Variants in WWP2 observed in about 807,000 individuals in gnomAD.
WWP2 encodes the protein NEDD4-like E3 ubiquitin-protein ligase WWP2.
WWP2 carries 57 observed loss-of-function variants against 121.0 expected under a neutral mutation model. That is an observed-to-expected ratio of 0.47 (90% CI 0.38 to 0.59). The LOEUF (loss-of-function observed/expected upper bound fraction) is 0.59. WWP2 is among the 20% of genes least tolerant of loss of function. The pLI is 0.00. For synonymous variants in WWP2, 449 were observed against 441.3 expected (o/e 1.02, Z -0.22); for missense variants, 962 against 1,158.9 (o/e 0.83, Z 2.47).
chr16:69,877,135 C>G (rs1249720857), intron 7 of WWP2, among the ~76,000 whole-genome samples: 1 of 152,204 alleles, frequency 6.6e-6, no homozygotes, highest in Non-Finnish European at 1.5e-5. Context: ...CATCTTCTTG[C>G]AATAGAAGGC....
intron 8 of WWP2, among the ~76,000 whole-genome samples, chr16:69,898,230 G>A (rs1435743219): frequency 6.6e-6 from 1 of 151,996 alleles, no homozygotes; most frequent in Non-Finnish European, 1.5e-5. Context: ...GTTTCGCCAT[G>A]TTAGCCAGGG....
At chr16:69,823,131 A>C (rs555643826) in intron 4 of WWP2, among the ~76,000 whole-genome samples, 2 of 152,362 alleles carry the variant, frequency 1.3e-5, no homozygotes, top group Non-Finnish European at 2.9e-5. Context: ...ACTGTGTCTC[A>C]AAAAAGAAAA....
intron 10 of WWP2, among the ~76,000 whole-genome samples, chr16:69,924,368 C>A (rs1313691038): frequency 6.6e-6 from 1 of 152,062 alleles, no homozygotes; most frequent in Non-Finnish European, 1.5e-5. Flanking sequence ...CTGAAGTCCG[C>A]ATTTAGAACT....
chr16:69,888,285 C>T (rs1369152055), intron 8 of WWP2, 36 bp downstream of exon 8: 3 of 1,593,162 alleles, frequency 1.9e-6, no homozygotes, highest in Admixed American at 3.5e-5. Context: ...GATCTCTCCT[C>T]CTCAAAGACT....
At chr16:69,818,048 T>C (rs1008446806) in intron 4 of WWP2, among the ~76,000 whole-genome samples, 1 of 152,126 alleles carries the variant, frequency 6.6e-6, no homozygotes, top group Non-Finnish European at 1.5e-5. Flanking sequence ...ATTTACACAC[T>C]GTAAGGGTGC....
intron 7 of WWP2, among the ~76,000 whole-genome samples, chr16:69,878,642 G>T (rs1187982121): frequency 2.6e-5 from 4 of 152,090 alleles, no homozygotes; most frequent in Non-Finnish European, 4.4e-5. Flanking sequence ...GATTGCAGAC[G>T]TGAGCCACTG....
chr16:69,933,924 A>G (rs1377138772), intron 16 of WWP2, 46 bp from the exon 17 acceptor site: 7 of 1,596,262 alleles, frequency 4.4e-6, no homozygotes, highest in East Asian at 2.2e-5. Flanking sequence ...GCAGATGTGC[A>G]CGAAGGGACC....
At chr16:69,852,113 C>A (rs1354051756) in intron 6 of WWP2, among the ~76,000 whole-genome samples, 7 of 152,182 alleles carry the variant, frequency 4.6e-5, no homozygotes, top group African/African-American at 1.7e-4. Flanking sequence ...TTTTCCAAAA[C>A]GGCTGCACCA....
At chr16:69,888,373 C>A in intron 8 of WWP2, 124 bp downstream of exon 8, 1 of 1,014,206 alleles carries the variant, frequency 9.9e-7, no homozygotes, top group Non-Finnish European at 1.4e-6. Flanking sequence ...GGCTGCTGTG[C>A]ATTGAAGCAA....
At chr16:69,787,204 C>T in intron 2 of WWP2, 124 bp downstream of exon 2, 1 of 601,754 alleles carries the variant, frequency 1.7e-6, no homozygotes, top group Non-Finnish European at 2.7e-6. Context: ...TATTTATTCT[C>T]ATGGGATTGT....
intron 1 of WWP2, among the ~76,000 whole-genome samples, chr16:69,771,888 T>G (rs1343647254): frequency 6.6e-6 from 1 of 151,942 alleles, no homozygotes; most frequent in African/African-American, 2.4e-5. Flanking sequence ...TTATCCCTAT[T>G]GTCAACTATG....
intron 10 of WWP2, among the ~76,000 whole-genome samples, chr16:69,923,608 C>G (rs528851463): frequency 1.3e-5 from 2 of 152,270 alleles, no homozygotes; most frequent in East Asian, 1.9e-4. Flanking sequence ...CCAGGAGAAC[C>G]CTGAACGCTT....
chr16:69,895,884 G>C (rs142474500), intron 8 of WWP2, among the ~76,000 whole-genome samples: 1 of 152,188 alleles, frequency 6.6e-6, no homozygotes, highest in Admixed American at 6.5e-5. Flanking sequence ...TACACTGAGC[G>C]TCTGTGTCTT....
rs2057783197 is a variant in WWP2 at position 69,879,166 on chromosome 16, A to G, written c.703+7235A>G. Among the ~76,000 whole-genome samples the G allele has an allele frequency of 2.6e-5, 4 of 152,218 alleles. No individual in the cohort carries two copies. The South Asian group carries it at 6.2e-4, about 24-fold the overall frequency. ...TTAGAAGTTTATTTTAGAGGTTTATATAAGTTCTTAGTATATTCTAGGTAC... is the reference window on the plus strand; with the variant it reads ...TTAGAAGTTTATTTTAGAGGTTTATGTAAGTTCTTAGTATATTCTAGGTAC... On this transcript the variant is annotated intron_variant, in intron 7 of 23. Transcript: ENST00000359154.
chr16:69,830,960 G>A (rs146519420), intron 4 of WWP2, among the ~76,000 whole-genome samples: 1 of 152,180 alleles, frequency 6.6e-6, no homozygotes, highest in African/African-American at 2.4e-5. Context: ...CTGTGTACCA[G>A]TGTTTGCAGT....
chr16:69,872,982 T>C (rs1567397558), intron 7 of WWP2, among the ~76,000 whole-genome samples: 1 of 152,252 alleles, frequency 6.6e-6, no homozygotes, highest in Non-Finnish European at 1.5e-5. Flanking sequence ...GCTGGTCGTT[T>C]GGTAGTTTGT....
intron 9 of WWP2, among the ~76,000 whole-genome samples, chr16:69,911,551 G>T (rs2058379382): frequency 2.6e-5 from 4 of 152,164 alleles, no homozygotes; most frequent in Admixed American, 2.6e-4. Context: ...GCCCGGTGGG[G>T]CTCTCAGGTT....
chr16:69,866,606 C>T (rs759966566), intron 6 of WWP2, among the ~76,000 whole-genome samples: 1 of 152,058 alleles, frequency 6.6e-6, no homozygotes, highest in Non-Finnish European at 1.5e-5. Flanking sequence ...AGAATGTCCT[C>T]GAGGTTCATC....
chr16:69,861,834 G>A (rs1258154196), intron 6 of WWP2, among the ~76,000 whole-genome samples: 1 of 151,898 alleles, frequency 6.6e-6, no homozygotes, highest in African/African-American at 2.4e-5. Flanking sequence ...CTGTCTTGCT[G>A]GAAACTGGCC....
Sources: allele counts gnomAD v4.1 joint callset (sites outside exome capture counted in the v4.1 genomes callset), GRCh38; gene constraint gnomAD v4.1.1; transcripts MANE v1.5; gene names NCBI Gene and HGNC (gene_info 2026-07-23, HGNC 2026-07-21).